The following PKD2L2 variants were observed in gnomAD, a reference collection of about 807,000 sequenced individuals.
PKD2L2 encodes the protein polycystin 2 like 2, transient receptor potential cation channel, also known as polycystin-2-like protein 2.
Under a neutral mutation model 83.9 loss-of-function variants are expected in PKD2L2, and 67 were observed. The ratio of observed to expected loss-of-function variants is 0.80; its 90% CI spans 0.66 to 0.98. The LOEUF is 0.98. Ranked by LOEUF, PKD2L2 falls within the 50% of genes least tolerant of loss-of-function variation. PKD2L2 has a pLI of 0.00. For missense variants in PKD2L2, 632 were observed against 717.2 expected (o/e 0.88, Z 1.36); for synonymous variants, 223 against 237.8 (o/e 0.94, Z 0.57).
intron 8 of PKD2L2, among the ~76,000 whole-genome samples, chr5:137,918,945 T>TGC (rs1491442258): frequency 9.7e-6 from 1 of 102,824 alleles, no homozygotes; most frequent in Non-Finnish European, 2.2e-5. Flanking sequence ...GCCTGCACAA[T>TGC]GTGTGTGTGT....
chr5:137,903,260 A>C (rs1365180856), intron 5 of PKD2L2, among the ~76,000 whole-genome samples: 1 of 152,190 alleles, frequency 6.6e-6, no homozygotes, highest in African/African-American at 2.4e-5. Context: ...GTTCTAATGT[A>C]CAAACTCATT....
Position 137,923,519 on chromosome 5 carries a change from C to T in PKD2L2, c.1549C>T (p.Gln517Ter). ...LDFELGKMIK[Q>*]SYKNVLEKFR... is the part of the protein sequence containing the mutation. The stretch of plus-strand genomic sequence containing the variant: ...TTTTGAACTTGGCAAAATGATTAAA[C>T]AGGTAAGTCAAATTTCTTTCCTAAT... The change falls in exon 10 of 15, where the codon CAG becomes TAG. Residue 517 changes from glutamine to a stop codon, truncating the protein, a stop_gained and splice_region_variant. Coordinates refer to ENST00000508883, the MANE Select transcript of PKD2L2 (RefSeq NM_001300921.2). LOFTEE classifies it high-confidence loss of function. 1 of 1,318,450 alleles carries T rather than the reference C, an allele frequency of 7.6e-7. No individual in the cohort carries two copies. 81.7% of individuals were successfully genotyped at this position (1,318,450 alleles called of 1,614,324 possible).
In PKD2L2 at chr5:137,889,461, G is replaced by A. The variant is rs1383283445; in HGVS notation, c.-31G>A. The A allele has an allele frequency of 1.3e-6, 2 of 1,585,438 alleles. No individual in the cohort carries two copies. The highest frequency in any genetic ancestry group is 1.7e-6 in the Non-Finnish European group (2 of 1,168,218). ...GCGCGCAAGCGCCGCGGCCTCAGGC[G>A]AACGAACGGGCGGTGTAGTGCAGGT... On this transcript the variant is annotated 5_prime_UTR_variant, in exon 1 of 15. Coordinates refer to ENST00000508883, the MANE Select transcript of PKD2L2 (RefSeq NM_001300921.2).
intron 14 of PKD2L2, among the ~76,000 whole-genome samples, chr5:137,937,070 G>C (rs541377864): frequency 1.3e-5 from 2 of 152,206 alleles, no homozygotes; most frequent in South Asian, 2.1e-4. Context: ...CATAGTTACA[G>C]AGTAGAAAAA....
At chr5:137,928,162 C>T (rs1447997289) in intron 12 of PKD2L2, among the ~76,000 whole-genome samples, 1 of 152,122 alleles carries the variant, frequency 6.6e-6, no homozygotes, top group Non-Finnish European at 1.5e-5. Flanking sequence ...AGCAAAGCTG[C>T]GCTTCAAATA....
At chr5:137,914,826 T>C (rs1758176860) in intron 8 of PKD2L2, among the ~76,000 whole-genome samples, 1 of 152,164 alleles carries the variant, frequency 6.6e-6, no homozygotes, top group African/African-American at 2.4e-5. Context: ...TTGTTTATAG[T>C]TTTTATCCTG....
rs369778710 is a variant in PKD2L2, at chr5:137,935,886, T to C, written c.1761T>C (p.Pro587=). 21 of 1,590,148 alleles carry C rather than the reference T, an allele frequency of 1.3e-5. No individual in the cohort carries two copies. The African/African-American group carries it at 2.7e-4, about 20-fold the overall frequency. Residue 587 remains proline (P), a synonymous_variant, in exon 13 of 15, where the codon CCT becomes CCC. Coordinates refer to ENST00000508883, the MANE Select transcript of PKD2L2 (RefSeq NM_001300921.2). ...YSMEIQDDYQ[P]VTQEEFRELF... ...TGGAAATTCAAGATGACTACCAGCC[T>C]GTCACTCAAGAAGAATTTCGAGAGT...
chr5:137,900,472 T>C (rs1006960294), intron 5 of PKD2L2, among the ~76,000 whole-genome samples: 2 of 152,288 alleles, frequency 1.3e-5, no homozygotes, highest in Middle Eastern at 3.4e-3. Flanking sequence ...AAAGAGAAAG[T>C]TGAATTACTT....
chr5:137,924,123 C>G (rs923015183), intron 10 of PKD2L2, among the ~76,000 whole-genome samples: 2 of 152,176 alleles, frequency 1.3e-5, no homozygotes, highest in Non-Finnish European at 1.5e-5. Flanking sequence ...TTTCGCCCAG[C>G]CTTCACTATG....
At chr5:137,913,850 TTTTC>T (rs1476046901) in intron 8 of PKD2L2, among the ~76,000 whole-genome samples, 7 of 151,120 alleles carry the variant, frequency 4.6e-5, no homozygotes, top group Non-Finnish European at 1.0e-4. Context: ...TGTGCCCAGC[TTTTC>T]TTTCTTTTTT....
At chr5:137,934,945 G>A (rs761073893) in intron 12 of PKD2L2, among the ~76,000 whole-genome samples, 1 of 152,134 alleles carries the variant, frequency 6.6e-6, no homozygotes, top group Non-Finnish European at 1.5e-5. Context: ...TAGTTTCTCT[G>A]ACCAGAAGAG....
At chr5:137,932,041 T>C (rs895235510) in intron 12 of PKD2L2, among the ~76,000 whole-genome samples, 1 of 152,068 alleles carries the variant, frequency 6.6e-6, no homozygotes, top group South Asian at 2.1e-4. Flanking sequence ...AAAACCAAGA[T>C]AAAAAACTTT....
In PKD2L2 at chr5:137,935,842, G is replaced by A; in HGVS notation, c.1717G>A (p.Glu573Lys). 6.2e-7 allele frequency: 1 copy of A among 1,611,974 alleles called. No homozygotes were observed. The highest frequency in any genetic ancestry group is 8.5e-7 in the Non-Finnish European group (1 of 1,178,156). Residue 573 changes from glutamate to lysine, a missense_variant, in exon 13 of 15, where the codon GAG (glutamate) becomes AAG (lysine). Coordinates refer to ENST00000508883, the MANE Select transcript of PKD2L2 (RefSeq NM_001300921.2). ...GATGAAAAAATGGAAAGAGAGGCTT[G>A]AGAAAAAGTATTATTCTATGGAAAT... ...EQMKKWKERLEKKYYSMEIQD... is the reference protein window; with the variant it reads ...EQMKKWKERLKKKYYSMEIQD...
chr5:137,917,786 CTTGTTT>C (rs1561694988), intron 8 of PKD2L2, among the ~76,000 whole-genome samples: 1 of 152,068 alleles, frequency 6.6e-6, no homozygotes, highest in African/African-American at 2.4e-5. Flanking sequence ...ATGCGTTTTT[CTTGTTT>C]TTGTTTTTTC....
chr5:137,923,972 A>C (rs900071895), intron 10 of PKD2L2, among the ~76,000 whole-genome samples: 8 of 152,290 alleles, frequency 5.3e-5, no homozygotes, highest in Non-Finnish European at 1.2e-4. Flanking sequence ...CTGGCTCAAA[A>C]ACCATGAAAA....
chr5:137,939,698 G>A, intron 14 of PKD2L2: 1 of 228,118 alleles, frequency 4.4e-6, no homozygotes, highest in Non-Finnish European at 7.8e-6. Flanking sequence ...GTGTTCCATA[G>A]TACGACTTGA....
At chr5:137,937,295 G>A (rs183514450) in intron 14 of PKD2L2, among the ~76,000 whole-genome samples, 1 of 152,160 alleles carries the variant, frequency 6.6e-6, no homozygotes, top group African/African-American at 2.4e-5. Context: ...TCTTCAAACT[G>A]GAAATTTACC....
chr5:137,931,340 G>A (rs1759860821), intron 12 of PKD2L2, among the ~76,000 whole-genome samples: 1 of 152,026 alleles, frequency 6.6e-6, no homozygotes, highest in Non-Finnish European at 1.5e-5. Flanking sequence ...AAATGCCCTG[G>A]CAAAGAGAAA....
At chr5:137,939,757 G>GT in intron 14 of PKD2L2, 1 of 701,788 alleles carries the variant, frequency 1.4e-6, no homozygotes, top group Non-Finnish European at 1.8e-6. Context: ...ACACAGTTGC[G>GT]TATGTGCACT....
Sources: gnomAD v4.1 joint callset for allele counts (sites outside exome capture counted in the v4.1 genomes callset) on GRCh38, gnomAD v4.1.1 for gene constraint, MANE v1.5 for transcripts, NCBI Gene and HGNC (gene_info 2026-07-23, HGNC 2026-07-21) for gene names.